MCTP1: variants seen among roughly 807,000 people sequenced by gnomAD.
MCTP1 encodes the protein multiple C2 and transmembrane domain containing 1.
In MCTP1, 69 loss-of-function variants were observed where a neutral mutation model predicts 120.6. That is an observed-to-expected ratio of 0.57 (90% CI 0.47 to 0.70). The LOEUF (loss-of-function observed/expected upper bound fraction) is 0.70. Among genes scored for constraint, MCTP1 ranks in the 30% least tolerant of loss-of-function variants. The probability of loss-of-function intolerance (pLI) is 0.00; values close to 1 mark genes in which losing one functional copy is unlikely to be tolerated. For synonymous variants in MCTP1, 529 were observed against 493.1 expected, an observed-to-expected ratio of 1.07 and a Z score of -0.96; for missense variants, 1,203 against 1,248.8, an observed-to-expected ratio of 0.96 and a Z score of 0.55.
chr5:94,774,745 A>C (rs138940674), intron 19 of MCTP1, among the ~76,000 whole-genome samples: 119 of 152,318 alleles, frequency 7.8e-4, no homozygotes, highest in African/African-American at 2.8e-3. Context: ...AAATAAATGA[A>C]AACAATGCTA....
intron 5 of MCTP1, among the ~76,000 whole-genome samples, chr5:94,933,183 C>T (rs1351131415): frequency 1.3e-5 from 2 of 151,528 alleles, no homozygotes; most frequent in Admixed American, 1.3e-4. Context: ...TTCCTCATCA[C>T]GCCTACTTTT....
chr5:95,027,777 CCTT>C (rs1338504542), intron 1 of MCTP1, among the ~76,000 whole-genome samples: 6 of 152,158 alleles, frequency 3.9e-5, no homozygotes, highest in African/African-American at 1.2e-4. Context: ...CCTCTTCTGG[CCTT>C]CTTTGAGACA....
In MCTP1 at chr5:94,705,507, C is replaced by A. The variant is rs1165767454; in HGVS notation, c.*1989G>T. 152 of 126,240 alleles carry A rather than the reference C, an allele frequency of 1.2e-3. No homozygotes were observed. The highest frequency in any genetic ancestry group is 1.1e-3 in the Non-Finnish European group (67 of 58,618). 7.8% of individuals were successfully genotyped at this position (126,240 alleles called of 1,614,324 possible). Reference sequence around the variant, plus strand: ...AATCCCTCATCAATCTCTGAACCACCAAAAAAAAAAAAAAAAGGAGTGCTG... The same window carrying A: ...AATCCCTCATCAATCTCTGAACCACAAAAAAAAAAAAAAAAAGGAGTGCTG... On this transcript the variant is annotated 3_prime_UTR_variant, in exon 23 of 23. Coordinates refer to ENST00000515393, the MANE Select transcript of MCTP1 (RefSeq NM_024717.7).
chr5:95,201,471 T>G (rs796202278), intron 1 of MCTP1, among the ~76,000 whole-genome samples: 18 of 4,788 alleles, frequency 3.8e-3, no homozygotes, highest in African/African-American at 0.012. Flanking sequence ...GTGGTTTTTT[T>G]TTTTTTTTTT....
intron 17 of MCTP1, chr5:94,826,039 C>A: frequency 3.1e-6 from 1 of 321,932 alleles, no homozygotes; most frequent in South Asian, 3.8e-5. Context: ...TCTGTTTCTT[C>A]ATTCTGGCTC....
intron 1 of MCTP1, among the ~76,000 whole-genome samples, chr5:95,120,015 A>T (rs1290376715): frequency 1.3e-5 from 2 of 152,074 alleles, no homozygotes; most frequent in East Asian, 3.9e-4. Flanking sequence ...TACTAAAAAA[A>T]AATACAAAAA....
intron 19 of MCTP1, among the ~76,000 whole-genome samples, chr5:94,749,582 G>A (rs929602273): frequency 7.0e-6 from 1 of 142,446 alleles, no homozygotes; most frequent in African/African-American, 2.6e-5. Flanking sequence ...TTGAACCTGG[G>A]AAGTGGAGGT....
At chr5:95,067,132 G>A (rs970205359) in intron 1 of MCTP1, among the ~76,000 whole-genome samples, 1 of 151,126 alleles carries the variant, frequency 6.6e-6, no homozygotes, top group African/African-American at 2.4e-5. Context: ...AGATGCTGGG[G>A]AGGGGTGGGA....
intron 10 of MCTP1, among the ~76,000 whole-genome samples, chr5:94,899,112 G>A (rs1294035947): frequency 6.6e-6 from 1 of 152,234 alleles, no homozygotes; most frequent in South Asian, 2.1e-4. Context: ...GCAAAGAGCA[G>A]TAGGGTGTGC....
Position 95,143,591 on chromosome 5 carries a change from C to T in MCTP1, c.721-126107G>A, listed in dbSNP as rs975932834. On this transcript the variant is annotated intron_variant, in intron 1 of 22. Coordinates refer to ENST00000515393, the MANE Select transcript of MCTP1 (RefSeq NM_024717.7). ...TCCTCTAATAGTCACCAGTTTCTAC[C>T]GTTTCCATCTTTGTGTCAATTTGTA... 2.0e-5 allele frequency among the ~76,000 whole-genome samples: 3 copies of T among 152,120 alleles called. 1 individual carries two copies. The East Asian group carries it at 5.8e-4, about 29-fold the overall frequency.
intron 1 of MCTP1, among the ~76,000 whole-genome samples, chr5:95,057,218 TTAACA>T (rs1293121686): frequency 6.6e-6 from 1 of 152,136 alleles, no homozygotes; most frequent in Non-Finnish European, 1.5e-5. Flanking sequence ...CATAAAAATA[TTAACA>T]TAACTACCAT....
intron 2 of MCTP1, among the ~76,000 whole-genome samples, chr5:94,961,276 G>T (rs1824103313): frequency 6.6e-6 from 1 of 150,564 alleles, no homozygotes; most frequent in South Asian, 2.1e-4. Context: ...CTGTTGGGGG[G>T]TGGGGGACAA....
At chr5:95,210,509 T>A (rs1241314115) in intron 1 of MCTP1, among the ~76,000 whole-genome samples, 1 of 149,558 alleles carries the variant, frequency 6.7e-6, no homozygotes, top group Non-Finnish European at 1.5e-5. Flanking sequence ...CTGCCTTTTT[T>A]TGTTTTCCAT....
chr5:95,050,760 A>T (rs894521253), intron 1 of MCTP1, among the ~76,000 whole-genome samples: 1 of 152,234 alleles, frequency 6.6e-6, no homozygotes, highest in African/African-American at 2.4e-5. Context: ...CCAGTGTGGA[A>T]GTTCTAATTC....
intron 1 of MCTP1, among the ~76,000 whole-genome samples, chr5:95,086,485 T>C (rs1250743845): frequency 6.6e-6 from 1 of 152,178 alleles, no homozygotes; most frequent in Non-Finnish European, 1.5e-5. Flanking sequence ...ATCCTGTGGA[T>C]AGAATATGTT....
chr5:95,093,578 T>C (rs1756008630), intron 1 of MCTP1, among the ~76,000 whole-genome samples: 1 of 152,176 alleles, frequency 6.6e-6, no homozygotes, highest in East Asian at 1.9e-4. Context: ...AGCAGATGTT[T>C]AGATTTGAGG....
At chr5:94,944,556 T>C (rs984185586) in intron 3 of MCTP1, among the ~76,000 whole-genome samples, 4 of 152,122 alleles carry the variant, frequency 2.6e-5, no homozygotes, top group Non-Finnish European at 5.9e-5. Context: ...TCACCTGAGG[T>C]TCACCCACAC....
chr5:94,879,591 A>G (rs1799626944), intron 12 of MCTP1, among the ~76,000 whole-genome samples: 1 of 152,144 alleles, frequency 6.6e-6, no homozygotes, highest in Non-Finnish European at 1.5e-5. Context: ...AAATGTACCC[A>G]TGTTAGAAAT....
chr5:94,932,207 C>A (rs1274533660), intron 5 of MCTP1, among the ~76,000 whole-genome samples: 2 of 95,172 alleles, frequency 2.1e-5, no homozygotes, highest in Non-Finnish European at 4.0e-5. Flanking sequence ...TTGATTTATT[C>A]CTTTGTAAAA....
Sources: gnomAD v4.1 joint callset for allele counts (sites outside exome capture counted in the v4.1 genomes callset) on GRCh38, gnomAD v4.1.1 for gene constraint, MANE v1.5 for transcripts, NCBI Gene and HGNC (gene_info 2026-07-23, HGNC 2026-07-21) for gene names.